OR6N1: variants seen among roughly 807,000 people sequenced by gnomAD.
The protein encoded by OR6N1 is olfactory receptor 6N1.
For missense variants in OR6N1, 394 were observed against 371.7 expected (o/e 1.06, Z -0.49); for synonymous variants, 170 against 150.7 (o/e 1.13, Z -0.94).
chr1:158,784,867 G>A, the OR6N1 span, among the ~76,000 whole-genome samples: 2 of 151,918 alleles, frequency 1.3e-5, no homozygotes, highest in Admixed American at 6.6e-5. Flanking sequence ...ATATGATTCA[G>A]CAACCTCACT....
chr1:158,829,555 G>T, the OR6N1 span, among the ~76,000 whole-genome samples: 1 of 152,144 alleles, frequency 6.6e-6, no homozygotes, highest in African/African-American at 2.4e-5. Flanking sequence ...GTCACTATCA[G>T]CATTTTTGTC....
chr1:158,803,823 G>A, the OR6N1 span, among the ~76,000 whole-genome samples: 1 of 152,192 alleles, frequency 6.6e-6, no homozygotes, highest in Non-Finnish European at 1.5e-5. Context: ...TTCTTGCCTA[G>A]TCAAGAACAT....
At chr1:158,816,746 C>T in the OR6N1 span, among the ~76,000 whole-genome samples, 1 of 152,184 alleles carries the variant, frequency 6.6e-6, no homozygotes, top group Admixed American at 6.5e-5. Context: ...AAAGTGGCAA[C>T]ACTTGAATTT....
the OR6N1 span, among the ~76,000 whole-genome samples, chr1:158,798,388 G>A: frequency 6.6e-6 from 1 of 151,300 alleles, no homozygotes; most frequent in African/African-American, 2.4e-5. Context: ...CTTCTAAAAA[G>A]CACTTTTTCC....
the OR6N1 span, among the ~76,000 whole-genome samples, chr1:158,829,973 A>G: frequency 2.6e-5 from 4 of 152,196 alleles, no homozygotes; most frequent in Non-Finnish European, 1.5e-5. Context: ...AGACCCATTT[A>G]CTATCATGAG....
In OR6N1 at chr1:158,765,639, C is replaced by G. The variant is rs1279215819; in HGVS notation, c.*105G>C. On this transcript the variant is annotated 3_prime_UTR_variant, in exon 2 of 2. Coordinates refer to ENST00000641846, the MANE Select transcript of OR6N1 (RefSeq NM_001005185.2). The stretch of plus-strand genomic sequence containing the variant: ...CAGCACTTGCTGCAGCTCCACCACC[C>G]CACATAGAAAAGCACTGAATTTTTA... The G allele has an allele frequency of 5.9e-5, 54 of 914,978 alleles. No individual in the cohort carries two copies. The highest frequency in any genetic ancestry group is 1.2e-4 in the East Asian group (5 of 41,220). 56.7% of individuals were successfully genotyped at this position (914,978 alleles called of 1,614,324 possible). A position where few individuals can be genotyped will look rare whatever the true frequency, so the allele number is the denominator to read the frequency against.
At chr1:158,790,719 A>G in the OR6N1 span, among the ~76,000 whole-genome samples, 1 of 152,128 alleles carries the variant, frequency 6.6e-6, no homozygotes, top group African/African-American at 2.4e-5. Flanking sequence ...TAGGGATTTT[A>G]TTGAATCTAC....
At chr1:158,827,392 A>G in the OR6N1 span, among the ~76,000 whole-genome samples, 1 of 152,232 alleles carries the variant, frequency 6.6e-6, no homozygotes. Flanking sequence ...ACTGCTTAAA[A>G]AGGACTTAGT....
At chr1:158,802,244 G>A in the OR6N1 span, among the ~76,000 whole-genome samples, 10 of 113,422 alleles carry the variant, frequency 8.8e-5, no homozygotes, top group Non-Finnish European at 1.3e-4. Flanking sequence ...GTCTTGCTCT[G>A]TCACCCAGGC....
At chr1:158,773,150 C>A (rs72702909), upstream of OR6N1, among the ~76,000 whole-genome samples, 3,333 of 143,174 alleles carry the variant, frequency 0.023, 55 homozygotes, top group Middle Eastern at 0.036. Context: ...TTATATTTTT[C>A]TATCTCCTAA....
At chr1:158,810,015 C>T in the OR6N1 span, among the ~76,000 whole-genome samples, 4 of 152,072 alleles carry the variant, frequency 2.6e-5, no homozygotes, top group East Asian at 1.9e-4. Context: ...AAGCCTCCTC[C>T]GAAGTCAGCG....
At chr1:158,820,851 A>G in the OR6N1 span, among the ~76,000 whole-genome samples, 22 of 152,334 alleles carry the variant, frequency 1.4e-4, no homozygotes, top group Non-Finnish European at 2.4e-4. Flanking sequence ...GGCCTGGAAA[A>G]AAAACCCAGC....
At chr1:158,780,462 C>T in the OR6N1 span, among the ~76,000 whole-genome samples, 2 of 152,088 alleles carry the variant, frequency 1.3e-5, no homozygotes, top group Non-Finnish European at 2.9e-5. Context: ...TGAGAGAATA[C>T]AATATAGATG....
At chr1:158,817,245 G>A in the OR6N1 span, among the ~76,000 whole-genome samples, 191 of 152,250 alleles carry the variant, frequency 1.3e-3, no homozygotes, top group Non-Finnish European at 2.2e-3. Context: ...ACTCAACTCC[G>A]TGACCTGCCT....
the OR6N1 span, among the ~76,000 whole-genome samples, chr1:158,794,638 C>T: frequency 6.6e-6 from 1 of 152,116 alleles, no homozygotes; most frequent in South Asian, 2.1e-4. Flanking sequence ...TTAGAAATAG[C>T]CTTAGTGTGT....
the OR6N1 span, among the ~76,000 whole-genome samples, chr1:158,821,736 T>A: frequency 6.6e-6 from 1 of 152,190 alleles, no homozygotes; most frequent in Non-Finnish European, 1.5e-5. Context: ...GTAAAGAGGC[T>A]ATAATCATGT....
At chr1:158,792,988 T>G in the OR6N1 span, among the ~76,000 whole-genome samples, 1 of 152,174 alleles carries the variant, frequency 6.6e-6, no homozygotes, top group African/African-American at 2.4e-5. Flanking sequence ...TCTTCCTTTT[T>G]GTCTGATTGG....
At chr1:158,783,907 C>T in the OR6N1 span, among the ~76,000 whole-genome samples, 1 of 152,102 alleles carries the variant, frequency 6.6e-6, no homozygotes, top group Non-Finnish European at 1.5e-5. Flanking sequence ...GAGATCGAGA[C>T]CATCCTGGCT....
chr1:158,779,758 C>A, the OR6N1 span, among the ~76,000 whole-genome samples: 1 of 152,158 alleles, frequency 6.6e-6, no homozygotes, highest in African/African-American at 2.4e-5. Flanking sequence ...TGCTTCTTAT[C>A]CTTCAAAATG....
Sources: allele counts gnomAD v4.1 joint callset (sites outside exome capture counted in the v4.1 genomes callset), GRCh38; gene constraint gnomAD v4.1.1; transcripts MANE v1.5; gene names NCBI Gene and HGNC (gene_info 2026-07-23, HGNC 2026-07-21).